XPO6: variants seen among roughly 807,000 people sequenced by gnomAD.
XPO6 encodes exportin-6.
XPO6 carries 3 observed loss-of-function variants against 130.0 expected under a neutral mutation model. That is an observed-to-expected ratio of 0.02 (90% confidence interval 0.01 to 0.06). The LOEUF is 0.06. XPO6 is among the 10% of genes least tolerant of loss of function. The pLI is 1.00. For synonymous variants in XPO6, 524 were observed against 548.9 expected (o/e 0.95, Z 0.63); for missense variants, 970 against 1,393.0 (o/e 0.70, Z 4.83).
chr16:28,159,868 A>C (rs190693643), intron 6 of XPO6, among the ~76,000 whole-genome samples: 2 of 152,310 alleles, frequency 1.3e-5, no homozygotes, highest in African/African-American at 4.8e-5. Flanking sequence ...GCAATTCCTT[A>C]AGTTTAACAA....
At chr16:28,162,095 G>C (rs1596909571) in intron 6 of XPO6, among the ~76,000 whole-genome samples, 2 of 152,184 alleles carry the variant, frequency 1.3e-5, no homozygotes, top group African/African-American at 4.8e-5. Context: ...GGCAAAAACT[G>C]TTTAGGTGGA....
intron 13 of XPO6, among the ~76,000 whole-genome samples, chr16:28,123,488 G>A (rs142916865): frequency 3.7e-4 from 57 of 152,304 alleles, no homozygotes; most frequent in African/African-American, 1.2e-3. Flanking sequence ...GTGGAAACCT[G>A]GAAATGGATG....
At position 28,169,901 on chromosome 16, in the gene XPO6, C is replaced by A. The variant is rs200298571; in HGVS notation, c.414G>T (p.Gln138His). ...DFFTNILQLI[Q>H]SPVTTPLGLI... Reference sequence around the variant, plus strand: ...GCCCAAGGGGGGTTGTCACAGGGGACTGGATCAACTGCCAGGAAAAAGCAT... The same window carrying A: ...GCCCAAGGGGGGTTGTCACAGGGGAATGGATCAACTGCCAGGAAAAAGCAT... The change falls in exon 5 of 24, where the codon CAG becomes CAT. Residue 138 changes from glutamine to histidine, a missense_variant. By Grantham distance (24) the Gln-to-His change is conservative. Coordinates refer to ENST00000304658, the MANE Select transcript of XPO6 (RefSeq NM_015171.4). 1.0e-4 allele frequency: 165 copies of A among 1,613,920 alleles called. 1 individual carries two copies. The highest frequency in any genetic ancestry group is 2.4e-5 in the Non-Finnish European group (28 of 1,179,948).
chr16:28,156,941 G>T (rs1238933391), intron 6 of XPO6, among the ~76,000 whole-genome samples: 1 of 152,054 alleles, frequency 6.6e-6, no homozygotes, highest in East Asian at 1.9e-4. Context: ...CTTTTGAAAA[G>T]CATGATACAT....
intron 9 of XPO6, among the ~76,000 whole-genome samples, chr16:28,142,550 G>A (rs2042912869): frequency 1.3e-5 from 2 of 152,104 alleles, no homozygotes. Context: ...GAGGAGCTTG[G>A]AGGGGTTTTT....
intron 6 of XPO6, among the ~76,000 whole-genome samples, chr16:28,158,396 C>T (rs1382838806): frequency 6.6e-6 from 1 of 152,190 alleles, no homozygotes; most frequent in Non-Finnish European, 1.5e-5. Flanking sequence ...CTGCCTTTCA[C>T]TAAGCCACAT....
intron 1 of XPO6, among the ~76,000 whole-genome samples, chr16:28,206,014 G>C (rs955527004): frequency 7.0e-6 from 1 of 142,622 alleles, no homozygotes; most frequent in African/African-American, 2.6e-5. Context: ...CTCCAGCCTA[G>C]GCGACAGAGC....
At position 28,121,652 on chromosome 16, in the gene XPO6, A is replaced by G. The variant is rs774270762; in HGVS notation, c.1859+18T>C. On this transcript the variant is annotated intron_variant, in intron 14 of 23. Coordinates refer to ENST00000304658, the MANE Select transcript of XPO6 (RefSeq NM_015171.4). ...AGGTCTTTCCTAAAAATGCACAAAC[A>G]TCAAACTCTAGACTTACACATCAAT... is the stretch of plus-strand genomic sequence containing the variant. 11 of 1,577,186 alleles carry G rather than the reference A, an allele frequency of 7.0e-6. No individual in the cohort carries two copies. The highest frequency in any genetic ancestry group is 1.7e-5 in the Admixed American group (1 of 59,914).
chr16:28,162,459 G>A (rs2043291844), intron 6 of XPO6, among the ~76,000 whole-genome samples: 2 of 152,114 alleles, frequency 1.3e-5, no homozygotes, highest in Admixed American at 1.3e-4. Flanking sequence ...CAAAACCTGT[G>A]ACCCTGGCAG....
chr16:28,204,358 C>T (rs1251825717), intron 1 of XPO6, among the ~76,000 whole-genome samples: 1 of 151,866 alleles, frequency 6.6e-6, no homozygotes, highest in East Asian at 1.9e-4. Context: ...TGAGGGAAGG[C>T]CCCACTGGAA....
At chr16:28,152,210 T>C (rs1329862922) in intron 8 of XPO6, among the ~76,000 whole-genome samples, 1 of 152,182 alleles carries the variant, frequency 6.6e-6, no homozygotes, top group African/African-American at 2.4e-5. Flanking sequence ...AAAAAATATT[T>C]GTGAGGGGGA....
intron 1 of XPO6, among the ~76,000 whole-genome samples, chr16:28,196,001 AG>A (rs2141897803): frequency 6.6e-6 from 1 of 152,342 alleles, no homozygotes; most frequent in African/African-American, 2.4e-5. Flanking sequence ...GTAAATGCCT[AG>A]AAGTTTTCTG....
intron 6 of XPO6, among the ~76,000 whole-genome samples, chr16:28,160,329 C>A (rs1309797042): frequency 6.6e-6 from 1 of 150,896 alleles, no homozygotes; most frequent in Non-Finnish European, 1.5e-5. Context: ...AATGGTGAAA[C>A]CCCATCTCTA....
In XPO6 at chr16:28,111,993, A is replaced by C; in HGVS notation, c.2165T>G (p.Val722Gly). ...CAAGATGTTAGAGAGGGCTCGGCACACCAACACCTGGGCCTACAAGAGACC... is the reference window on the plus strand; with the variant it reads ...CAAGATGTTAGAGAGGGCTCGGCACCCCAACACCTGGGCCTACAAGAGACC... ...LRLVDKAQVL[V>G]CRALSNILLL... The change falls in exon 17 of 24, where the codon GTG (valine) becomes GGG (glycine). Residue 722 changes from valine to glycine, a missense_variant. Transcript: ENST00000304658. The C allele has an allele frequency of 6.2e-7, 1 of 1,612,052 alleles. No homozygotes were observed. Among genetic ancestry groups the C allele is most frequent in the South Asian group, 1.1e-5 (1 of 90,782 alleles).
At chr16:28,192,589 A>C (rs1417035842) in intron 1 of XPO6, among the ~76,000 whole-genome samples, 4 of 152,188 alleles carry the variant, frequency 2.6e-5, no homozygotes, top group African/African-American at 9.7e-5. Context: ...AGAGAGTTCA[A>C]GCACAAAGCC....
At chr16:28,129,883 G>A (rs184471606) in intron 12 of XPO6, among the ~76,000 whole-genome samples, 1 of 152,210 alleles carries the variant, frequency 6.6e-6, no homozygotes, top group Non-Finnish European at 1.5e-5. Context: ...ATGAGGGGTG[G>A]CAGAAGTCAA....
chr16:28,133,713 T>G, intron 11 of XPO6, 128 bp downstream of exon 11: 2 of 807,732 alleles, frequency 2.5e-6, no homozygotes, highest in Non-Finnish European at 3.9e-6. Context: ...TTATGGTAAT[T>G]ATTCTGTTTT....
chr16:28,128,108 C>A (rs1262466919), intron 12 of XPO6, among the ~76,000 whole-genome samples: 2 of 152,104 alleles, frequency 1.3e-5, no homozygotes, highest in Admixed American at 6.5e-5. Flanking sequence ...AAGAGACAGC[C>A]CCAATCTCTC....
intron 2 of XPO6, among the ~76,000 whole-genome samples, chr16:28,179,659 G>A (rs2043585803): frequency 6.6e-6 from 1 of 152,166 alleles, no homozygotes; most frequent in African/African-American, 2.4e-5. Flanking sequence ...CTGGAGGGTG[G>A]GTGGAGCCCT....
Sources: gnomAD v4.1 joint callset for allele counts (sites outside exome capture counted in the v4.1 genomes callset) on GRCh38, gnomAD v4.1.1 for gene constraint, MANE v1.5 for transcripts, NCBI Gene and HGNC (gene_info 2026-07-23, HGNC 2026-07-21) for gene names.